Variants in AKT1S1 observed in about 807,000 individuals in gnomAD.
AKT1S1 encodes the protein AKT1 substrate 1.
Under a neutral mutation model 21.2 loss-of-function variants are expected in AKT1S1, and 17 were observed. That is an observed-to-expected ratio of 0.80 (90% CI 0.55 to 1.20). The LOEUF (loss-of-function observed/expected upper bound fraction) is 1.20. Ranked by LOEUF, AKT1S1 falls within the 50% of genes most tolerant of loss-of-function variation. The pLI is 0.00. For missense variants in AKT1S1, 366 were observed against 368.3 expected (o/e 0.99, Z 0.05); for synonymous variants, 181 against 165.6 (o/e 1.09, Z -0.72).
chr19:49,877,735 C>T (rs755734419), upstream of AKT1S1: 5 of 1,598,162 alleles, frequency 3.1e-6, no homozygotes, highest in South Asian at 2.3e-5. Context: ...TGGAAGGAGC[C>T]GGCTACAGGG....
In AKT1S1 at chr19:49,871,533, C is replaced by T. The variant is rs758441566; in HGVS notation, c.627+14G>A. 1.9e-6 allele frequency: 3 copies of T among 1,613,762 alleles called. No individual in the cohort carries two copies. The African/African-American group carries it at 4.0e-5, about 22-fold the overall frequency. On this transcript the variant is annotated intron_variant, in intron 4 of 4. Coordinates refer to ENST00000344175, the MANE Select transcript of AKT1S1 (RefSeq NM_001098633.4). The stretch of plus-strand genomic sequence containing the variant: ...TCCAGCTGCCCTCCCTACCTCCCCA[C>T]ATTTGCCCCTCACCGGCCCATTCTC...
At chr19:49,870,774 CTG>C (rs2074874929) in intron 4 of AKT1S1, among the ~76,000 whole-genome samples, 1 of 152,244 alleles carries the variant, frequency 6.6e-6, no homozygotes, top group Non-Finnish European at 1.5e-5. Context: ...ATTCAATTAA[CTG>C]TGTTGCCATG....
Position 49,871,871 on chromosome 19 carries a change from TCATC to T in AKT1S1, c.394_397del (p.Asp132ArgfsTer24). 6.2e-7 allele frequency: 1 copy of T among 1,613,062 alleles called. No homozygotes were observed. The highest frequency in any genetic ancestry group is 8.5e-7 in the Non-Finnish European group (1 of 1,179,682). On this transcript the variant is annotated frameshift_variant, in exon 3 of 5. Transcript: ENST00000344175. LOFTEE classifies it high-confidence loss of function. ...GGGAAGGTCCTGGAGGGTGGCGTCC[TCATC>T]CATCACAAAGAGCCCTGTGGATGAC... is the stretch of plus-strand genomic sequence containing the variant.
At chr19:49,875,920 A>C (rs2074935778) in intron 1 of AKT1S1, 1 of 985,248 alleles carries the variant, frequency 1.0e-6, no homozygotes, top group Admixed American at 6.1e-5. Flanking sequence ...GAGCTGAGAG[A>C]TGGAGGAAGA....
rs2074861517 is a variant in AKT1S1, at chr19:49,869,798, A to G, written c.*119T>C. 1 of 1,132,520 alleles carries G rather than the reference A, an allele frequency of 8.8e-7. No individual in the cohort carries two copies. The allele number at this position is 1,132,520 out of a possible 1,614,324, so 70.2% of individuals were successfully genotyped here. A position where few individuals can be genotyped will look rare whatever the true frequency, so the allele number is the denominator to read the frequency against. On this transcript the variant is annotated 3_prime_UTR_variant, in exon 5 of 5. Transcript: ENST00000344175. ...TTGGCAGAGGCGGGACAATCTTGGG[A>G]ATGGGAGACGCAAGGAGGCCGGTCC...
chr19:49,869,849 C>T lies in AKT1S1; in HGVS notation c.*68G>A, dbSNP rs1186422610. 1.5e-5 allele frequency: 20 copies of T among 1,365,248 alleles called. No homozygotes were observed. Among genetic ancestry groups the T allele is most frequent in the Non-Finnish European group, 1.6e-5 (17 of 1,041,888 alleles). 84.6% of individuals were successfully genotyped at this position (1,365,248 alleles called of 1,614,324 possible). On this transcript the variant is annotated 3_prime_UTR_variant, in exon 5 of 5. Transcript: ENST00000344175. Reference sequence around the variant, plus strand: ...CGGATCGGCCTCAGATTAGCAGGCCCCGGGAGTGGGGCGGGGGCGTAGTGT... The same window carrying T: ...CGGATCGGCCTCAGATTAGCAGGCCTCGGGAGTGGGGCGGGGGCGTAGTGT...
Position 49,869,953 on chromosome 19 carries a change from G to A in AKT1S1, c.735C>T (p.Asn245=). 1 of 1,539,840 alleles carries A rather than the reference G, an allele frequency of 6.5e-7. No individual in the cohort carries two copies. Among genetic ancestry groups the A allele is most frequent in the East Asian group, 2.5e-5 (1 of 39,632 alleles). ...GCTTCAGCTTCTGGAAGTCGCTGGT[G>A]TTAAGCCGCGGCCGTGGCAGGTCCC... is the stretch of plus-strand genomic sequence containing the variant. The part of the protein sequence containing the change: ...VFGDLPRPRL[N]TSDFQKLKRK... Residue 245 remains asparagine, a synonymous_variant, in exon 5 of 5, where the codon AAC becomes AAT. Transcript: ENST00000344175.
rs371853543 is a variant in AKT1S1 at position 49,871,685 on chromosome 19, G to A, written c.489C>T (p.Gly163=). The A allele has an allele frequency of 1.3e-5, 21 of 1,613,038 alleles. No homozygotes were observed. Among genetic ancestry groups the A allele is most frequent in the South Asian group, 2.2e-5 (2 of 91,074 alleles). Residue 163 remains glycine, a synonymous_variant, in exon 4 of 5, where the codon GGC becomes GGT. Transcript: ENST00000344175. The stretch of plus-strand genomic sequence containing the variant: ...CTGGGGGCACTGAGCAGGTGGGGGG[G>A]CCGGCGGGGGTCTCCTCGCTCAGGC... ...DGSLSEETPA[G]PPTCSVPPAS...
chr19:49,873,661 A>C lies in AKT1S1; in HGVS notation c.-7-359T>G. 1 of 241,070 alleles carries C rather than the reference A, an allele frequency of 4.1e-6. No individual in the cohort carries two copies. Among genetic ancestry groups the C allele is most frequent in the Non-Finnish European group, 8.0e-6 (1 of 125,588 alleles). The allele number at this position is 241,070 out of a possible 1,614,324, so 14.9% of individuals were successfully genotyped here. A position where few individuals can be genotyped will look rare whatever the true frequency, so the allele number is the denominator to read the frequency against. On this transcript the variant is annotated intron_variant, in intron 1 of 4. Transcript: ENST00000344175. This position sits in a 1 kb window ranked among gnomAD's most constrained non-coding sequence, Gnocchi z 6.9. Reference sequence around the variant, plus strand: ...GAGTCCTAGCAGAGAGGCCTCTAACAATAAAACCTGCACTGGGTTCTGAAG... The same window carrying C: ...GAGTCCTAGCAGAGAGGCCTCTAACCATAAAACCTGCACTGGGTTCTGAAG...
chr19:49,876,696 C>T, intron 1 of AKT1S1: 1 of 1,446,898 alleles, frequency 6.9e-7, no homozygotes, highest in Middle Eastern at 1.8e-4. Context: ...GCCCCGCCTC[C>T]TCTCCGCACA....
chr19:49,878,138 C>T (rs748224616), upstream of AKT1S1: 15 of 1,573,060 alleles, frequency 9.5e-6, no homozygotes, highest in Non-Finnish European at 1.2e-5. Flanking sequence ...TTCCCCCCAA[C>T]TCAGGTGGTG....
chr19:49,871,213 A>C (rs377517525), intron 4 of AKT1S1, among the ~76,000 whole-genome samples: 3 of 152,274 alleles, frequency 2.0e-5, no homozygotes, highest in East Asian at 3.9e-4. Flanking sequence ...AGGAATGTGC[A>C]GGGTGGGGAT....
upstream of AKT1S1, chr19:49,878,069 G>C (rs1044010110): frequency 1.6e-6 from 2 of 1,280,076 alleles, no homozygotes; most frequent in African/African-American, 3.0e-5. Context: ...CTCCTCCCTG[G>C]GCCCGTCCCT....
chr19:49,872,308 C>A (rs573268503), intron 2 of AKT1S1, among the ~76,000 whole-genome samples: 5 of 152,184 alleles, frequency 3.3e-5, no homozygotes, highest in African/African-American at 1.2e-4. Context: ...AGGATGCCTG[C>A]CCTTCACCCT....
intron 2 of AKT1S1, among the ~76,000 whole-genome samples, chr19:49,872,414 G>A (rs529491235): frequency 1.1e-4 from 16 of 152,102 alleles, no homozygotes; most frequent in Admixed American, 2.0e-4. Flanking sequence ...TACTAACTCC[G>A]CAAAGCCCTA....
At position 49,872,981 on chromosome 19, in the gene AKT1S1, C is replaced by T. The variant is rs1329314633; in HGVS notation, c.315G>A (p.Glu105=). 7 of 1,598,746 alleles carry T rather than the reference C, an allele frequency of 4.4e-6. No individual in the cohort carries two copies. Among genetic ancestry groups the T allele is most frequent in the Admixed American group, 1.7e-5 (1 of 58,478 alleles). The change falls in exon 2 of 5, where the codon GAG becomes GAA. Residue 105 remains glutamate (E), a synonymous_variant. Transcript: ENST00000344175. Reference sequence around the variant, plus strand: ...CTGTCTCTGTGGGCTCATCCTCGTCCTCCTCGTTGTCCTCTCTGGCCAGGG... The same window carrying T: ...CTGTCTCTGTGGGCTCATCCTCGTCTTCCTCGTTGTCCTCTCTGGCCAGGG... The part of the protein sequence containing the change: ...RPTLAREDNE[E]DEDEPTETET...
In AKT1S1 at chr19:49,873,259, C is replaced by T. The variant is rs752918967; in HGVS notation, c.37G>A (p.Val13Met). ...CGGAAGCGCTCAGCGGCCCCCACCA[C>T]GGCCTCCCACAGCTCCTCGGGGCGC... is the stretch of plus-strand genomic sequence containing the variant. ...SGRPEELWEA[V>M]VGAAERFRAR... The change falls in exon 2 of 5, where the codon GTG becomes ATG. Residue 13 changes from valine (V) to methionine (M), a missense_variant. Val to Met is a conservative substitution (Grantham distance 21, BLOSUM62 1). Coordinates refer to ENST00000344175, the MANE Select transcript of AKT1S1 (RefSeq NM_001098633.4). This position sits in a 1 kb window ranked among gnomAD's most constrained non-coding sequence, Gnocchi z 6.9. The T allele has an allele frequency of 7.2e-6, 11 of 1,533,308 alleles. No individual in the cohort carries two copies. The highest frequency in any genetic ancestry group is 2.6e-5 in the East Asian group (1 of 39,080). The allele number at this position is 1,533,308 out of a possible 1,614,324, so 95.0% of individuals were successfully genotyped here. A position where few individuals can be genotyped will look rare whatever the true frequency, so the allele number is the denominator to read the frequency against.
chr19:49,877,443 A>G (rs865848963), upstream of AKT1S1: 5 of 495,492 alleles, frequency 1.0e-5, no homozygotes, highest in Non-Finnish European at 1.8e-5. Flanking sequence ...CAGCTCTCAG[A>G]CCCTCCCACT....
chr19:49,878,066 C>A, upstream of AKT1S1: 1 of 1,258,264 alleles, frequency 7.9e-7, no homozygotes, highest in Non-Finnish European at 1.1e-6. Flanking sequence ...TGGCTCCTCC[C>A]TGGGCCCGTC....
Sources: gnomAD v4.1 joint callset for allele counts (sites outside exome capture counted in the v4.1 genomes callset) on GRCh38, gnomAD v4.1.1 for gene constraint, Gnocchi (gnomAD v3.1) non-coding constraint, MANE v1.5 for transcripts, NCBI Gene and HGNC (gene_info 2026-07-23, HGNC 2026-07-21) for gene names.